Variants in RTL9 observed in about 807,000 individuals in gnomAD.
RTL9 encodes retrotransposon Gag like 9.
In RTL9, 19 loss-of-function variants were observed where a neutral mutation model predicts 44.7. The observed-to-expected ratio is 0.42, with a 90% confidence interval of 0.30 to 0.62. The LOEUF (loss-of-function observed/expected upper bound fraction) is 0.62, where lower values mean the gene tolerates loss of function less well. Among genes scored for constraint, RTL9 ranks in the 20% least tolerant of loss-of-function variants. RTL9 has a pLI of 0.16. For missense variants in RTL9, 1,105 were observed against 1,080.6 expected (o/e 1.02, Z -0.32); for synonymous variants, 407 against 398.9 (o/e 1.02, Z -0.24).
chrX:110,444,691 C>T (rs964626090), intron 1 of RTL9, among the ~76,000 whole-genome samples: 2 of 112,144 alleles, frequency 1.8e-5, no homozygotes, highest in Non-Finnish European at 3.8e-5. Context: ...TTTTGGGTTG[C>T]ATTAGCTGCA....
In RTL9 at chrX:110,361,192, C is replaced by T. The variant is rs768354780; in HGVS notation, c.-168+2276C>T. Among the ~76,000 whole-genome samples the T allele has an allele frequency of 3.6e-5, 4 of 111,289 alleles. 1 individual carries two copies. The highest frequency in any genetic ancestry group is 7.7e-4 in the South Asian group (2 of 2,601). The stretch of plus-strand genomic sequence containing the variant: ...TCCCTAAATACCAATTTCATTCTTC[C>T]GGTTGCTCAGGCGGAAGACCTAGGA... On this transcript the variant is annotated intron_variant, in intron 1 of 2. Transcript: ENST00000520821.
intron 1 of RTL9, 131 bp from the exon 2 acceptor site, chrX:110,445,022 G>A (rs2068901211): frequency 8.9e-6 from 1 of 112,757 alleles, no homozygotes; most frequent in African/African-American, 3.2e-5. Flanking sequence ...TCCCTATAGA[G>A]TTGGACATGC....
At position 110,393,015 on chromosome X, in the gene RTL9, G is replaced by T. The variant is rs750184093; in HGVS notation, c.-168+34099G>T. ...GGCCTTCCCTTTGAAACTTCTTTAT[G>T]GGGACATGTGCTGCCTTGCTTCCTG... On this transcript the variant is annotated intron_variant, in intron 1 of 2. Coordinates refer to the RTL9 transcript ENST00000520821. Among the ~76,000 whole-genome samples, 18 of 111,708 alleles carry T rather than the reference G, an allele frequency of 1.6e-4. No individual in the cohort carries two copies. In the South Asian group the frequency reaches 6.6e-3, roughly 41 times the overall value.
At chrX:110,408,393 C>G (rs772163018) in intron 1 of RTL9, among the ~76,000 whole-genome samples, 1 of 112,420 alleles carries the variant, frequency 8.9e-6, no homozygotes, top group South Asian at 3.7e-4. Flanking sequence ...AATGGGGATG[C>G]TAGATGTTCT....
intron 1 of RTL9, among the ~76,000 whole-genome samples, chrX:110,413,244 A>C (rs1178872036): frequency 9.0e-6 from 1 of 111,147 alleles, no homozygotes; most frequent in Non-Finnish European, 1.9e-5. Context: ...TTTACAGAGC[A>C]CTATTGTCTA....
chrX:110,360,696 G>T (rs2068257653), intron 1 of RTL9, among the ~76,000 whole-genome samples: 1 of 111,287 alleles, frequency 9.0e-6, no homozygotes. Flanking sequence ...TTTTGGAGGG[G>T]AAGGACAAAT....
chrX:110,372,005 C>T (rs1232429536), intron 1 of RTL9, among the ~76,000 whole-genome samples: 1 of 111,578 alleles, frequency 9.0e-6, no homozygotes, highest in Non-Finnish European at 1.9e-5. Context: ...CCCTTGTGTA[C>T]TTGGTGTACT....
intron 1 of RTL9, among the ~76,000 whole-genome samples, chrX:110,368,334 A>T (rs2068312759): frequency 9.0e-6 from 1 of 111,114 alleles, no homozygotes; most frequent in East Asian, 2.8e-4. Flanking sequence ...GACCTACAAG[A>T]TTCTACATGA....
intron 1 of RTL9, among the ~76,000 whole-genome samples, chrX:110,364,287 G>A (rs2068282828): frequency 9.0e-6 from 1 of 111,578 alleles, no homozygotes; most frequent in South Asian, 3.8e-4. Flanking sequence ...ATCTCATGTA[G>A]ACATCCTTAT....
chrX:110,411,277 G>A (rs186019635), intron 1 of RTL9, among the ~76,000 whole-genome samples: 82 of 111,965 alleles, frequency 7.3e-4, no homozygotes, highest in Non-Finnish European at 1.3e-3. Flanking sequence ...GATCTGGGAA[G>A]AGTTTGGTCA....
intron 1 of RTL9, among the ~76,000 whole-genome samples, chrX:110,412,048 T>C (rs1304307229): frequency 3.5e-5 from 4 of 113,104 alleles, no homozygotes; most frequent in African/African-American, 9.6e-5. Flanking sequence ...AAAGGGCCTA[T>C]GCCCTATTAA....
chrX:110,427,873 C>T (rs2068765774), intron 1 of RTL9, among the ~76,000 whole-genome samples: 1 of 111,821 alleles, frequency 8.9e-6, no homozygotes, highest in South Asian at 3.8e-4. Flanking sequence ...ACATCATTCC[C>T]ACTGCTGTGC....
intron 1 of RTL9, among the ~76,000 whole-genome samples, chrX:110,401,483 A>G (rs758452795): frequency 4.9e-4 from 55 of 111,556 alleles, no homozygotes; most frequent in Non-Finnish European, 7.5e-5. Context: ...AACCTTTTCC[A>G]GAGCACATAT....
chrX:110,438,431 C>T (rs997924722), intron 1 of RTL9, among the ~76,000 whole-genome samples: 12 of 111,429 alleles, frequency 1.1e-4, no homozygotes, highest in African/African-American at 2.9e-4. Context: ...AATCAGAATC[C>T]GTAATCTGCC....
At chrX:110,394,765 G>A (rs923468874) in intron 1 of RTL9, among the ~76,000 whole-genome samples, 11 of 112,515 alleles carry the variant, frequency 9.8e-5, no homozygotes, top group Non-Finnish European at 1.9e-4. Flanking sequence ...TAACCTCTCC[G>A]TGCTTCTGCC....
At chrX:110,381,631 A>G (rs1235951830) in intron 1 of RTL9, among the ~76,000 whole-genome samples, 1 of 111,901 alleles carries the variant, frequency 8.9e-6, no homozygotes, top group Non-Finnish European at 1.9e-5. Flanking sequence ...TTGTATGTTC[A>G]TCGCAGCACT....
At chrX:110,410,165 G>A (rs148789669) in intron 1 of RTL9, among the ~76,000 whole-genome samples, 1 of 111,532 alleles carries the variant, frequency 9.0e-6, no homozygotes, top group Admixed American at 9.5e-5. Flanking sequence ...CACAGAGCAA[G>A]TCATGGCAGA....
intron 1 of RTL9, among the ~76,000 whole-genome samples, chrX:110,396,657 G>A (rs761099975): frequency 4.7e-4 from 53 of 112,224 alleles, no homozygotes; most frequent in African/African-American, 1.7e-3. Flanking sequence ...CCCTCTCCCT[G>A]TTTTACAAAG....
At chrX:110,415,631 G>C (rs2068672117), upstream of RTL9, among the ~76,000 whole-genome samples, 1 of 111,221 alleles carries the variant, frequency 9.0e-6, no homozygotes, top group African/African-American at 3.3e-5. Context: ...TGCATGGTCA[G>C]GAATCTTGCC....
Sources: gnomAD v4.1 joint callset for allele counts (sites outside exome capture counted in the v4.1 genomes callset) on GRCh38, gnomAD v4.1.1 for gene constraint, MANE v1.5 for transcripts, NCBI Gene and HGNC (gene_info 2026-07-23, HGNC 2026-07-21) for gene names.